FAM184B: variants seen among roughly 807,000 people sequenced by gnomAD.
FAM184B encodes family with sequence similarity 184 member B.
Under a neutral mutation model 135.9 loss-of-function variants are expected in FAM184B, and 111 were observed. The observed-to-expected ratio is 0.82, with a 90% confidence interval of 0.70 to 0.96. The LOEUF (loss-of-function observed/expected upper bound fraction) is 0.96. FAM184B is among the 40% of genes least tolerant of loss of function. The pLI is 0.00. For synonymous variants in FAM184B, 552 were observed against 524.8 expected, an observed-to-expected ratio of 1.05 and a Z score of -0.71; for missense variants, 1,375 against 1,323.9, an observed-to-expected ratio of 1.04 and a Z score of -0.60.
chr4:17,753,047 G>A (rs192957744), intron 1 of FAM184B, among the ~76,000 whole-genome samples: 16 of 152,200 alleles, frequency 1.1e-4, no homozygotes, highest in African/African-American at 3.9e-4. Context: ...TTGGTAGCTG[G>A]GCTTTTGATT....
At chr4:17,632,692 C>A in intron 17 of FAM184B, 67 bp from the exon 18 acceptor site, 2 of 1,058,758 alleles carry the variant, frequency 1.9e-6, no homozygotes, top group Non-Finnish European at 2.8e-6. Context: ...TAATACCCAC[C>A]ATCTTTTCAG....
intron 1 of FAM184B, among the ~76,000 whole-genome samples, chr4:17,724,273 C>G (rs900363389): frequency 3.9e-5 from 6 of 152,040 alleles, no homozygotes; most frequent in African/African-American, 1.4e-4. Flanking sequence ...TGTTTTTATG[C>G]ATTCTCTAAT....
chr4:17,698,048 C>A (rs994790506), intron 5 of FAM184B, among the ~76,000 whole-genome samples: 1 of 149,882 alleles, frequency 6.7e-6, no homozygotes. Flanking sequence ...AAGATTTCAA[C>A]AGGAAAATTC....
At chr4:17,769,968 C>A (rs1233212780) in intron 1 of FAM184B, among the ~76,000 whole-genome samples, 1 of 152,120 alleles carries the variant, frequency 6.6e-6, no homozygotes. Context: ...GAAGAGACAT[C>A]TGAGCCAAGT....
intron 1 of FAM184B, among the ~76,000 whole-genome samples, chr4:17,738,902 C>T (rs1717965053): frequency 6.6e-6 from 1 of 152,172 alleles, no homozygotes; most frequent in Non-Finnish European, 1.5e-5. Flanking sequence ...TCCTCTCTCG[C>T]CATGTGATCT....
At chr4:17,657,602 TAACACAGTAC>T (rs1715804722) in intron 10 of FAM184B, among the ~76,000 whole-genome samples, 1 of 151,228 alleles carries the variant, frequency 6.6e-6, no homozygotes, top group Non-Finnish European at 1.5e-5. Context: ...CATAGTTGTT[TAACACAGTAC>T]AATTTCCCAA....
rs1165408430 is a variant in FAM184B at position 17,630,608 on chromosome 4, A to G, written c.*1924T>C. 2.0e-5 allele frequency: 3 copies of G among 152,206 alleles called. No individual in the cohort carries two copies. The highest frequency in any genetic ancestry group is 6.5e-5 in the Admixed American group (1 of 15,280). The allele number at this position is 152,206 out of a possible 1,614,324, so 9.4% of individuals were successfully genotyped here. A position where few individuals can be genotyped will look rare whatever the true frequency, so the allele number is the denominator to read the frequency against. On this transcript the variant is annotated 3_prime_UTR_variant, in exon 18 of 18. Transcript: ENST00000265018. ...TTGTTAGAGCAGCCTGAACGAACTAAGACACTCTAAGCGGGAAACTCACAA... is the reference window on the plus strand; with the variant it reads ...TTGTTAGAGCAGCCTGAACGAACTAGGACACTCTAAGCGGGAAACTCACAA...
At chr4:17,670,368 C>T (rs1195425587) in intron 7 of FAM184B, among the ~76,000 whole-genome samples, 1 of 152,112 alleles carries the variant, frequency 6.6e-6, no homozygotes, top group East Asian at 1.9e-4. Flanking sequence ...TTCTGGCAAG[C>T]CTGATCAGGG....
intron 1 of FAM184B, among the ~76,000 whole-genome samples, chr4:17,770,522 G>T (rs1378066330): frequency 6.6e-6 from 1 of 152,138 alleles, no homozygotes; most frequent in Admixed American, 6.6e-5. Flanking sequence ...GGAGTGCAGT[G>T]GCGAAATATT....
At chr4:17,708,714 C>G (rs113156057) in intron 2 of FAM184B, among the ~76,000 whole-genome samples, 178 bp downstream of exon 2, 1,669 of 56,778 alleles carry the variant, frequency 0.029, 11 homozygotes, top group Non-Finnish European at 0.036. Flanking sequence ...TATATAGTGT[C>G]TGTGTGTGTG....
intron 1 of FAM184B, among the ~76,000 whole-genome samples, chr4:17,746,456 C>T (rs930582174): frequency 5.9e-5 from 9 of 151,760 alleles, no homozygotes; most frequent in East Asian, 2.0e-4. Flanking sequence ...TTTGGCAGGG[C>T]GCGGTGGCTC....
At chr4:17,696,549 C>T (rs370656260) in intron 5 of FAM184B, among the ~76,000 whole-genome samples, 3 of 152,164 alleles carry the variant, frequency 2.0e-5, no homozygotes, top group Admixed American at 6.5e-5. Flanking sequence ...AGTGTGCTCA[C>T]GCCTATAATC....
intron 1 of FAM184B, among the ~76,000 whole-genome samples, chr4:17,743,426 C>A (rs73800381): frequency 3.3e-5 from 5 of 152,138 alleles, no homozygotes; most frequent in Non-Finnish European, 1.5e-5. Context: ...CTGGCTGCTG[C>A]GTTGAGAGCA....
chr4:17,649,884 C>CTAT (rs1715564869), intron 11 of FAM184B, among the ~76,000 whole-genome samples: 1 of 151,430 alleles, frequency 6.6e-6, no homozygotes, highest in African/African-American at 2.4e-5. Flanking sequence ...ATCCATCCAC[C>CTAT]CATCTATCTG....
chr4:17,726,670 C>G (rs1036758973), intron 1 of FAM184B, among the ~76,000 whole-genome samples: 4 of 152,308 alleles, frequency 2.6e-5, no homozygotes, highest in African/African-American at 7.2e-5. Context: ...CTGCGCCTGG[C>G]CAAATGATGT....
At chr4:17,747,190 G>A (rs764440572) in intron 1 of FAM184B, among the ~76,000 whole-genome samples, 7 of 152,106 alleles carry the variant, frequency 4.6e-5, no homozygotes, top group Non-Finnish European at 8.8e-5. Context: ...GGCGGTGTGA[G>A]CCAAGGTGAT....
intron 6 of FAM184B, among the ~76,000 whole-genome samples, chr4:17,689,903 C>A (rs1716688097): frequency 6.6e-6 from 1 of 152,028 alleles, no homozygotes; most frequent in Admixed American, 6.5e-5. Context: ...AATCCCAGAA[C>A]TTTGGGAGGC....
At chr4:17,688,568 C>A in intron 6 of FAM184B, 37 bp from the exon 7 acceptor site, 2 of 1,443,892 alleles carry the variant, frequency 1.4e-6, no homozygotes, top group South Asian at 2.5e-5. Flanking sequence ...ACAATGAAAC[C>A]AGGTTCTACC....
intron 6 of FAM184B, among the ~76,000 whole-genome samples, chr4:17,690,614 C>T (rs970610514): frequency 6.6e-6 from 1 of 152,286 alleles, no homozygotes; most frequent in South Asian, 2.1e-4. Flanking sequence ...TCCTTCCAGA[C>T]TTTCCATAAG....
Sources: allele counts gnomAD v4.1 joint callset (sites outside exome capture counted in the v4.1 genomes callset), GRCh38; gene constraint gnomAD v4.1.1; transcripts MANE v1.5; gene names NCBI Gene and HGNC (gene_info 2026-07-23, HGNC 2026-07-21).